Variants in KCTD8 observed in about 807,000 individuals in gnomAD.
KCTD8 encodes BTB/POZ domain-containing protein KCTD8.
In KCTD8, 27 loss-of-function variants were observed where a neutral mutation model predicts 31.5. That is an observed-to-expected ratio of 0.86 (90% confidence interval 0.63 to 1.18). The LOEUF (loss-of-function observed/expected upper bound fraction) is 1.18. KCTD8 is among the 50% of genes most tolerant of loss of function. The pLI is 0.00. For synonymous variants in KCTD8, 290 were observed against 280.0 expected, an observed-to-expected ratio of 1.04 and a Z score of -0.36; for missense variants, 658 against 647.7, an observed-to-expected ratio of 1.02 and a Z score of -0.17.
chr4:44,413,437 C>T (rs1721003644), intron 1 of KCTD8, among the ~76,000 whole-genome samples: 1 of 152,156 alleles, frequency 6.6e-6, no homozygotes, highest in South Asian at 2.1e-4. Context: ...ATATGGCCTA[C>T]ATCCCTGTTA....
At chr4:44,397,339 C>A (rs1021666268) in intron 1 of KCTD8, among the ~76,000 whole-genome samples, 2 of 152,074 alleles carry the variant, frequency 1.3e-5, no homozygotes, top group Non-Finnish European at 2.9e-5. Flanking sequence ...CTCTAATACT[C>A]ATATACGTAT....
intron 1 of KCTD8, among the ~76,000 whole-genome samples, chr4:44,294,633 T>G (rs1167380995): frequency 1.3e-5 from 2 of 152,182 alleles, no homozygotes; most frequent in Non-Finnish European, 2.9e-5. Context: ...CCCCTAAGGC[T>G]TCACTTGGAT....
intron 1 of KCTD8, among the ~76,000 whole-genome samples, chr4:44,369,856 A>G (rs1343855870): frequency 6.6e-6 from 1 of 152,138 alleles, no homozygotes; most frequent in Non-Finnish European, 1.5e-5. Context: ...GATGGACACA[A>G]TTGCTTTCAC....
intron 1 of KCTD8, among the ~76,000 whole-genome samples, chr4:44,368,123 T>C (rs1041531216): frequency 1.3e-5 from 2 of 152,164 alleles, no homozygotes; most frequent in Admixed American, 6.6e-5. Flanking sequence ...ATGCCTGTAA[T>C]CTCAGCACTT....
chr4:44,376,628 G>A (rs1460681740), intron 1 of KCTD8, among the ~76,000 whole-genome samples: 1 of 152,184 alleles, frequency 6.6e-6, no homozygotes, highest in Non-Finnish European at 1.5e-5. Context: ...TGCTGGCTAT[G>A]TGCCAGGCAA....
intron 1 of KCTD8, among the ~76,000 whole-genome samples, chr4:44,388,434 G>C (rs1720280211): frequency 6.6e-6 from 1 of 151,920 alleles, no homozygotes; most frequent in Non-Finnish European, 1.5e-5. Flanking sequence ...ATTTACAATA[G>C]CAAAGACATG....
chr4:44,332,811 G>A (rs151316831), intron 1 of KCTD8, among the ~76,000 whole-genome samples: 12 of 151,976 alleles, frequency 7.9e-5, no homozygotes, highest in Non-Finnish European at 1.8e-4. Flanking sequence ...TGTTCCAAAT[G>A]CATATCACTG....
chr4:44,201,249 A>C (rs1560393192), intron 1 of KCTD8, among the ~76,000 whole-genome samples: 1 of 152,114 alleles, frequency 6.6e-6, no homozygotes, highest in Admixed American at 6.6e-5. Flanking sequence ...CAATTTACAA[A>C]TTCAATTATA....
chr4:44,401,414 G>A (rs1426329322), intron 1 of KCTD8, among the ~76,000 whole-genome samples: 1 of 152,114 alleles, frequency 6.6e-6, no homozygotes, highest in African/African-American at 2.4e-5. Flanking sequence ...ACAAAGGAGT[G>A]TACAGGCCAA....
At chr4:44,209,497 TAC>T (rs142003669) in intron 1 of KCTD8, among the ~76,000 whole-genome samples, 35 of 149,168 alleles carry the variant, frequency 2.3e-4, no homozygotes, top group Middle Eastern at 3.5e-3. Context: ...GCTACACACA[TAC>T]ACACACACAC....
At chr4:44,337,697 ATG>A (rs57681442) in intron 1 of KCTD8, among the ~76,000 whole-genome samples, 66,525 of 136,928 alleles carry the variant, frequency 0.49, 15,487 homozygotes, top group Middle Eastern at 0.64. Context: ...ATATATATAT[ATG>A]TGTATATATA....
chr4:44,300,717 C>CT lies in KCTD8; in HGVS notation c.962-125468dup, dbSNP rs201267686. Among the ~76,000 whole-genome samples the CT allele has an allele frequency of 1.1e-3, 165 of 151,762 alleles. 4 individuals are homozygous for CT. The East Asian group carries it at 0.027, about 25-fold the overall frequency. On this transcript the variant is annotated intron_variant, in intron 1 of 1. Coordinates refer to ENST00000360029, the MANE Select transcript of KCTD8 (RefSeq NM_198353.3). ...ACCAGTAGGATTATCAATAAGAACT[C>CT]TTTTTTTTATTATTATACTTTAAGT...
At chr4:44,307,253 C>A (rs1160540545) in intron 1 of KCTD8, among the ~76,000 whole-genome samples, 2 of 151,918 alleles carry the variant, frequency 1.3e-5, no homozygotes, top group African/African-American at 2.4e-5. Context: ...ACTGAAGAGG[C>A]CTTCCAAGTC....
chr4:44,411,496 A>T (rs1017528590), intron 1 of KCTD8, among the ~76,000 whole-genome samples: 1 of 152,112 alleles, frequency 6.6e-6, no homozygotes, highest in Non-Finnish European at 1.5e-5. Flanking sequence ...TAATGCCAAA[A>T]ATCACAATTT....
intron 1 of KCTD8, among the ~76,000 whole-genome samples, chr4:44,367,902 TA>T (rs952164584): frequency 6.1e-5 from 9 of 146,812 alleles, no homozygotes; most frequent in Admixed American, 3.4e-4. Flanking sequence ...ATCGACAGAG[TA>T]AAAAAAAAAC....
chr4:44,190,978 T>G (rs1000261147), intron 1 of KCTD8, among the ~76,000 whole-genome samples: 5 of 152,228 alleles, frequency 3.3e-5, no homozygotes, highest in Non-Finnish European at 5.9e-5. Flanking sequence ...CTGTTTGTAT[T>G]TGTTATTGGA....
chr4:44,307,213 G>C (rs1717829852), intron 1 of KCTD8, among the ~76,000 whole-genome samples: 1 of 151,904 alleles, frequency 6.6e-6, no homozygotes, highest in African/African-American at 2.4e-5. Flanking sequence ...TGTTTGCTAG[G>C]GATATTGCAG....
At chr4:44,249,381 T>A (rs1049942969) in intron 1 of KCTD8, among the ~76,000 whole-genome samples, 3 of 151,838 alleles carry the variant, frequency 2.0e-5, no homozygotes, top group Admixed American at 6.6e-5. Context: ...TGCATATTTT[T>A]AAAATTATAA....
intron 1 of KCTD8, among the ~76,000 whole-genome samples, chr4:44,255,088 T>C (rs1715953503): frequency 1.3e-5 from 2 of 151,884 alleles, no homozygotes; most frequent in South Asian, 2.1e-4. Flanking sequence ...CTTGCTATAC[T>C]CAGTGTCCAG....
Sources: gnomAD v4.1 joint callset for allele counts (sites outside exome capture counted in the v4.1 genomes callset) on GRCh38, gnomAD v4.1.1 for gene constraint, MANE v1.5 for transcripts, NCBI Gene and HGNC (gene_info 2026-07-23, HGNC 2026-07-21) for gene names.